The following FOXP1 variants were observed in gnomAD, a reference collection of about 807,000 sequenced individuals.
The protein encoded by FOXP1 is forkhead box P1, also known as forkhead box protein P1.
A neutral mutation model predicts 98.2 loss-of-function variants in FOXP1; 15 were observed. The observed-to-expected ratio is 0.15, with a 90% CI of 0.10 to 0.24. The LOEUF is 0.24. FOXP1 is among the 10% of genes least tolerant of loss of function. The pLI, the probability that FOXP1 is intolerant of heterozygous loss-of-function variation, is 1.00. For synonymous variants in FOXP1, 371 were observed against 314.5 expected, an observed-to-expected ratio of 1.18 and a Z score of -1.90; for missense variants, 633 against 848.5, an observed-to-expected ratio of 0.75 and a Z score of 3.15.
chr3:71,038,330 T>C (rs11915092), intron 11 of FOXP1, among the ~76,000 whole-genome samples: 21,382 of 152,178 alleles, frequency 0.14, 5,070 homozygotes, highest in African/African-American at 0.49. Context: ...TGGGGTCAGA[T>C]AGTTATTCAG....
chr3:71,048,827 G>A (rs528968206), intron 9 of FOXP1, among the ~76,000 whole-genome samples: 1 of 150,528 alleles, frequency 6.6e-6, no homozygotes, highest in Admixed American at 6.6e-5. Flanking sequence ...GCTGGAGGTG[G>A]GGGAGGGTGT....
rs55803418 is a variant in FOXP1, at chr3:71,289,019, C to CTTATTTATTTATTTAT, written c.-12+10785_-12+10800dup. On this transcript the variant is annotated intron_variant, in intron 5 of 20. Transcript: ENST00000649528. The stretch of plus-strand genomic sequence containing the variant: ...ATTTGATATGGCTCACAACTCTCTT[C>CTTATTTATTTATTTAT]TTATTTATTTATTTATTTATTTATT... Among the ~76,000 whole-genome samples the CTTATTTATTTATTTAT allele has an allele frequency of 8.5e-4, 126 of 148,782 alleles. 1 individual carries two copies. The highest frequency in any genetic ancestry group is 1.8e-3 in the Admixed American group (27 of 14,912).
chr3:71,562,952 C>A (rs529051593), intron 2 of FOXP1, among the ~76,000 whole-genome samples: 1 of 152,290 alleles, frequency 6.6e-6, no homozygotes, highest in East Asian at 1.9e-4. Context: ...TCATCCCTTC[C>A]TTTAAGAGCA....
chr3:70,995,855 G>A (rs1002340052), intron 13 of FOXP1, among the ~76,000 whole-genome samples: 21 of 152,090 alleles, frequency 1.4e-4, no homozygotes, highest in African/African-American at 4.1e-4. Flanking sequence ...TCTTTCTACC[G>A]CTAAGAAAAC....
intron 4 of FOXP1, among the ~76,000 whole-genome samples, chr3:71,319,977 C>G (rs2075298526): frequency 6.6e-6 from 1 of 152,084 alleles, no homozygotes; most frequent in Non-Finnish European, 1.5e-5. Flanking sequence ...TCACCCTGAC[C>G]AACACTTGCC....
intron 3 of FOXP1, among the ~76,000 whole-genome samples, chr3:71,415,878 A>T (rs1041621388): frequency 6.6e-6 from 1 of 152,208 alleles, no homozygotes; most frequent in East Asian, 1.9e-4. Context: ...TAAACCACTT[A>T]AAGAGTAACC....
intron 13 of FOXP1, among the ~76,000 whole-genome samples, chr3:70,997,776 T>C (rs2041589930): frequency 6.6e-6 from 1 of 152,204 alleles, no homozygotes; most frequent in African/African-American, 2.4e-5. Flanking sequence ...GCTTTATCTG[T>C]TTTAATCATT....
chr3:70,964,289 T>C (rs993609631), intron 20 of FOXP1, among the ~76,000 whole-genome samples: 3 of 152,250 alleles, frequency 2.0e-5, no homozygotes, highest in Non-Finnish European at 4.4e-5. Context: ...ATACTGGGGT[T>C]AATTCAAATT....
At chr3:71,524,578 G>A (rs2043231536) in intron 2 of FOXP1, among the ~76,000 whole-genome samples, 1 of 146,280 alleles carries the variant, frequency 6.8e-6, no homozygotes, top group Non-Finnish European at 1.5e-5. Context: ...TAAGACACAA[G>A]TGTTTAAAGA....
chr3:71,569,314 T>C (rs1250487128), intron 2 of FOXP1, among the ~76,000 whole-genome samples: 4 of 152,220 alleles, frequency 2.6e-5, no homozygotes, highest in African/African-American at 9.6e-5. Context: ...CACAAGTGCA[T>C]GCAGACGTAC....
chr3:71,360,654 G>A (rs1333993895), intron 3 of FOXP1: 2 of 151,620 alleles, frequency 1.3e-5, no homozygotes, highest in African/African-American at 2.4e-5. Flanking sequence ...ATTAAATAAA[G>A]GACTCTCACT....
rs147968142 is a variant in FOXP1 at position 71,399,111 on chromosome 3, G to A, written c.-167-39867C>T. Among the ~76,000 whole-genome samples, 114 of 152,294 alleles carry A rather than the reference G, an allele frequency of 7.5e-4. No homozygotes were observed. The East Asian group carries it at 0.021, about 29-fold the overall frequency. On this transcript the variant is annotated intron_variant, in intron 3 of 20. Coordinates refer to ENST00000649528, the MANE Select transcript of FOXP1 (RefSeq NM_001349338.3). The stretch of plus-strand genomic sequence containing the variant: ...ACTGTTCGTAGAAGTGACTTTCTGT[G>A]TTAGGAAAGAAACTTGAATTATTTG...
intron 2 of FOXP1, among the ~76,000 whole-genome samples, chr3:71,546,159 C>T (rs1158431760): frequency 1.3e-5 from 2 of 152,188 alleles, no homozygotes; most frequent in East Asian, 1.9e-4. Context: ...CAACATCCAA[C>T]TGCAGACATT....
chr3:71,196,009 A>C (rs560150275), intron 6 of FOXP1, among the ~76,000 whole-genome samples: 7 of 152,194 alleles, frequency 4.6e-5, no homozygotes, highest in Non-Finnish European at 7.3e-5. Flanking sequence ...TCATATACTT[A>C]GGGGAGTTGA....
At chr3:71,281,783 G>C (rs1267060402) in intron 5 of FOXP1, among the ~76,000 whole-genome samples, 2 of 151,804 alleles carry the variant, frequency 1.3e-5, no homozygotes, top group African/African-American at 4.8e-5. Context: ...GCAATGGCTT[G>C]GCCTTTTACA....
intron 7 of FOXP1, among the ~76,000 whole-genome samples, chr3:71,084,954 A>C (rs940713062): frequency 1.3e-5 from 2 of 152,192 alleles, no homozygotes; most frequent in African/African-American, 4.8e-5. Context: ...TAGTTGCTTG[A>C]ATAAATAAAC....
chr3:71,266,918 T>C (rs1464967055), intron 5 of FOXP1, among the ~76,000 whole-genome samples: 4 of 152,256 alleles, frequency 2.6e-5, no homozygotes, highest in Non-Finnish European at 5.9e-5. Context: ...TTTTTATGGC[T>C]GCAGTTTTGG....
At chr3:70,964,425 T>C (rs2034293392) in intron 20 of FOXP1, among the ~76,000 whole-genome samples, 1 of 152,230 alleles carries the variant, frequency 6.6e-6, no homozygotes. Flanking sequence ...CTAATAGGAA[T>C]ATATGTCAAC....
intron 3 of FOXP1, among the ~76,000 whole-genome samples, chr3:71,465,331 A>G (rs1450210350): frequency 1.5e-5 from 1 of 64,608 alleles, no homozygotes; most frequent in East Asian, 2.0e-4. Flanking sequence ...AAAAAAGAAG[A>G]AGAAGAAGAA....
Sources: gnomAD v4.1 joint callset for allele counts (sites outside exome capture counted in the v4.1 genomes callset) on GRCh38, gnomAD v4.1.1 for gene constraint, MANE v1.5 for transcripts, NCBI Gene and HGNC (gene_info 2026-07-23, HGNC 2026-07-21) for gene names.